PITPNC1: variants seen among roughly 807,000 people sequenced by gnomAD.
PITPNC1 encodes cytoplasmic phosphatidylinositol transfer protein 1.
PITPNC1 carries 18 observed loss-of-function variants against 44.7 expected under a neutral mutation model. That is an observed-to-expected ratio of 0.40 (90% confidence interval 0.28 to 0.60). The LOEUF (loss-of-function observed/expected upper bound fraction) is 0.60. PITPNC1 is among the 20% of genes least tolerant of loss of function. The pLI, the probability that PITPNC1 is intolerant of heterozygous loss-of-function variation, is 0.39. For synonymous variants in PITPNC1, 141 were observed against 149.6 expected (o/e 0.94, Z 0.42); for missense variants, 290 against 418.4 (o/e 0.69, Z 2.68).
intron 6 of PITPNC1, among the ~76,000 whole-genome samples, chr17:67,664,921 G>A (rs59745925): frequency 1.1e-4 from 15 of 131,440 alleles, no homozygotes; most frequent in African/African-American, 4.7e-4. Context: ...AAAAAAAAAA[G>A]AAGAAGAAGA....
chr17:67,635,554 A>C (rs4791278), intron 6 of PITPNC1, among the ~76,000 whole-genome samples: 75,630 of 151,970 alleles, frequency 0.5, 21,772 homozygotes, highest in Non-Finnish European at 0.65. Context: ...CCAATTTGAG[A>C]GTATTTGGCG....
At chr17:67,644,730 C>G (rs901232311) in intron 6 of PITPNC1, among the ~76,000 whole-genome samples, 6 of 152,120 alleles carry the variant, frequency 3.9e-5, no homozygotes, top group Non-Finnish European at 8.8e-5. Flanking sequence ...TGGCCCTGCT[C>G]TGTTCTTTCA....
At chr17:67,619,865 C>T (rs915901558) in intron 5 of PITPNC1, among the ~76,000 whole-genome samples, 8 of 152,010 alleles carry the variant, frequency 5.3e-5, no homozygotes, top group African/African-American at 1.9e-4. Flanking sequence ...TCAGAGGAGT[C>T]CTCACATCGC....
chr17:67,469,033 T>A (rs898344976), intron 1 of PITPNC1, among the ~76,000 whole-genome samples: 2 of 152,166 alleles, frequency 1.3e-5, no homozygotes, highest in Non-Finnish European at 2.9e-5. Context: ...CTGGCCCAGG[T>A]GACTTTCTTG....
Position 67,512,508 on chromosome 17 carries a change from A to ACAAAAC in PITPNC1, c.49-20294_49-20293insCAAAAC, listed in dbSNP as rs745678437. Among the ~76,000 whole-genome samples, 877 of 150,642 alleles carry ACAAAAC rather than the reference A, an allele frequency of 5.8e-3. 10 individuals are homozygous for ACAAAAC. Among genetic ancestry groups the ACAAAAC allele is most frequent in the African/African-American group, 0.02 (841 of 41,106 alleles). On this transcript the variant is annotated intron_variant, in intron 1 of 8. Coordinates refer to ENST00000581322, the MANE Select transcript of PITPNC1 (RefSeq NM_012417.4). ...AGAGTGAGACTGTGTCTCAAAAAAA[A>ACAAAAC]AAAAAAAAAAAAAAACAGCTGGACT...
chr17:67,480,825 A>G (rs1371154824), intron 1 of PITPNC1, among the ~76,000 whole-genome samples: 1 of 152,184 alleles, frequency 6.6e-6, no homozygotes, highest in Non-Finnish European at 1.5e-5. Flanking sequence ...TTTCTCATAG[A>G]ATGCCATACC....
intron 1 of PITPNC1, among the ~76,000 whole-genome samples, chr17:67,435,108 C>CAAAAAA (rs555005702): frequency 1.0e-4 from 8 of 76,674 alleles, no homozygotes; most frequent in African/African-American, 1.8e-4. Flanking sequence ...GACTCCATCT[C>CAAAAAA]AAAAAAAAAA....
At chr17:67,466,412 C>T (rs983293720) in intron 1 of PITPNC1, among the ~76,000 whole-genome samples, 6 of 152,100 alleles carry the variant, frequency 3.9e-5, no homozygotes, top group South Asian at 2.1e-4. Context: ...TTTGTTCAAA[C>T]GCAATTTACA....
At chr17:67,432,030 C>G (rs77743844) in intron 1 of PITPNC1, among the ~76,000 whole-genome samples, 1 of 152,160 alleles carries the variant, frequency 6.6e-6, no homozygotes, top group African/African-American at 2.4e-5. Flanking sequence ...TCTTGGGAAA[C>G]GAGCTGGGTG....
intron 1 of PITPNC1, among the ~76,000 whole-genome samples, chr17:67,422,338 G>A (rs2038682779): frequency 6.6e-6 from 1 of 152,152 alleles, no homozygotes; most frequent in African/African-American, 2.4e-5. Context: ...TCCCAATTTT[G>A]TCTTATTAGG....
chr17:67,619,405 G>A (rs1463698770), intron 5 of PITPNC1, among the ~76,000 whole-genome samples: 1 of 152,126 alleles, frequency 6.6e-6, no homozygotes, highest in African/African-American at 2.4e-5. Flanking sequence ...GAATACCCAC[G>A]TTTTTTAATC....
Position 67,696,315 on chromosome 17 carries a change from A to C in PITPNC1, c.*3427A>C, listed in dbSNP as rs979843292. ...CATTCTCTGCAAAAGTTTCAGGGCT[A>C]ATGTATTTATGTGTATTTTTAAATT... On this transcript the variant is annotated 3_prime_UTR_variant, in exon 9 of 9. Coordinates refer to ENST00000581322, the MANE Select transcript of PITPNC1 (RefSeq NM_012417.4). The C allele has an allele frequency of 2.0e-5, 3 of 152,158 alleles. No homozygotes were observed. The highest frequency in any genetic ancestry group is 7.2e-5 in the African/African-American group (3 of 41,442). The allele number at this position is 152,158 out of a possible 1,614,324, so 9.4% of individuals were successfully genotyped here. A position where few individuals can be genotyped will look rare whatever the true frequency, so the allele number is the denominator to read the frequency against.
chr17:67,393,020 C>T (rs978374316), intron 1 of PITPNC1, among the ~76,000 whole-genome samples: 1 of 151,710 alleles, frequency 6.6e-6, no homozygotes, highest in Admixed American at 6.6e-5. Flanking sequence ...ACCCCAGCTA[C>T]TCAGGAGGCT....
At position 67,521,295 on chromosome 17, in the gene PITPNC1, G is replaced by T. The variant is rs138676282; in HGVS notation, c.49-11507G>T. Among the ~76,000 whole-genome samples, 395 of 152,236 alleles carry T rather than the reference G, an allele frequency of 2.6e-3. 3 individuals are homozygous for T. The highest frequency in any genetic ancestry group is 3.4e-3 in the Non-Finnish European group (229 of 68,008). On this transcript the variant is annotated intron_variant, in intron 1 of 8. Coordinates refer to ENST00000581322, the MANE Select transcript of PITPNC1 (RefSeq NM_012417.4). ...GTTTGTCACAAAAGGGGGATTTTTT[G>T]AATTAAATGTTGATAACCCAGCTTC...
chr17:67,469,658 T>TC (rs2039485468), intron 1 of PITPNC1, among the ~76,000 whole-genome samples: 1 of 151,974 alleles, frequency 6.6e-6, no homozygotes, highest in African/African-American at 2.4e-5. Flanking sequence ...CCTCTCTGGG[T>TC]CCCTCAGCTC....
chr17:67,463,202 T>C (rs187722401), intron 1 of PITPNC1, among the ~76,000 whole-genome samples: 1 of 152,246 alleles, frequency 6.6e-6, no homozygotes, highest in African/African-American at 2.4e-5. Flanking sequence ...TACTTCTGCA[T>C]AGCAAGTAAC....
chr17:67,440,886 G>T lies in PITPNC1; in HGVS notation c.48+62684G>T, dbSNP rs145434312. Among the ~76,000 whole-genome samples the T allele has an allele frequency of 3.7e-3, 563 of 152,002 alleles. 9 individuals are homozygous for T. Among genetic ancestry groups the T allele is most frequent in the Non-Finnish European group, 3.8e-3 (258 of 67,982 alleles). ...TTGGGGTGGTTTAAAAATTACGCCT[G>T]TGTAGCACTGGGAACATTATGACAC... is the stretch of plus-strand genomic sequence containing the variant. On this transcript the variant is annotated intron_variant, in intron 1 of 8. Transcript: ENST00000581322.
chr17:67,524,370 TG>T (rs2040368435), intron 1 of PITPNC1: 1 of 151,604 alleles, frequency 6.6e-6, no homozygotes, highest in East Asian at 1.9e-4. Flanking sequence ...GCTTGAGCAC[TG>T]GGGGTCAAGG....
chr17:67,526,719 C>T (rs554267978), intron 1 of PITPNC1, among the ~76,000 whole-genome samples: 26 of 149,950 alleles, frequency 1.7e-4, no homozygotes, highest in East Asian at 1.4e-3. Context: ...CGACAGAGAG[C>T]GAGACTCCAT....
Sources: allele counts gnomAD v4.1 joint callset (sites outside exome capture counted in the v4.1 genomes callset), GRCh38; gene constraint gnomAD v4.1.1; transcripts MANE v1.5; gene names NCBI Gene and HGNC (gene_info 2026-07-23, HGNC 2026-07-21).